Variants in DAB1 observed in about 807,000 individuals in gnomAD.
DAB1 encodes DAB adaptor protein 1.
In DAB1, 15 loss-of-function variants were observed where a neutral mutation model predicts 64.6. The ratio of observed to expected loss-of-function variants is 0.23; its 90% CI spans 0.16 to 0.36. The LOEUF is 0.36. Among genes scored for constraint, DAB1 ranks in the 10% least tolerant of loss-of-function variants. The probability of loss-of-function intolerance (pLI) is 1.00; values close to 1 mark genes in which losing one functional copy is unlikely to be tolerated. For missense variants in DAB1, 596 were observed against 706.7 expected (o/e 0.84, Z 1.78); for synonymous variants, 235 against 251.9 (o/e 0.93, Z 0.64).
chr1:58,041,059 G>A (rs555956449), intron 5 of DAB1, among the ~76,000 whole-genome samples: 1 of 152,286 alleles, frequency 6.6e-6, no homozygotes, highest in African/African-American at 2.4e-5. Context: ...CTTTGCACAT[G>A]CTTTGCTGCC....
intron 5 of DAB1, among the ~76,000 whole-genome samples, chr1:58,064,708 TG>T (rs1173020394): frequency 0.011 from 1,206 of 110,878 alleles, 8 homozygotes; most frequent in African/African-American, 0.032. Context: ...TATTTATTTA[TG>T]TATTTATGTA....
At chr1:57,734,013 T>A (rs1647562862) in intron 6 of DAB1, among the ~76,000 whole-genome samples, 1 of 152,092 alleles carries the variant, frequency 6.6e-6, no homozygotes. Context: ...AGGCATGACT[T>A]TCACCCAGCC....
chr1:57,531,108 C>T (rs780984660), intron 7 of DAB1, among the ~76,000 whole-genome samples: 18 of 152,218 alleles, frequency 1.2e-4, no homozygotes, highest in Non-Finnish European at 2.6e-4. Context: ...TGCATGACTA[C>T]ATCCAGATGG....
chr1:57,539,600 G>A (rs1644776477), intron 7 of DAB1, among the ~76,000 whole-genome samples: 1 of 152,168 alleles, frequency 6.6e-6, no homozygotes, highest in Non-Finnish European at 1.5e-5. Flanking sequence ...AATTCTGATT[G>A]GGACAGAAAC....
intron 2 of DAB1, among the ~76,000 whole-genome samples, chr1:57,171,418 C>T (rs959991670): frequency 2.0e-5 from 3 of 152,204 alleles, no homozygotes; most frequent in Non-Finnish European, 2.9e-5. Flanking sequence ...CTCTGCAACA[C>T]CTGCAAAGAT....
At chr1:57,985,670 TA>T (rs1646198917) in intron 5 of DAB1, among the ~76,000 whole-genome samples, 1 of 150,070 alleles carries the variant, frequency 6.7e-6, no homozygotes, top group African/African-American at 2.5e-5. Flanking sequence ...TGGCTGTGAG[TA>T]TTAGCCACAC....
chr1:57,942,866 A>G (rs1391857240), intron 5 of DAB1, among the ~76,000 whole-genome samples: 4 of 152,234 alleles, frequency 2.6e-5, no homozygotes, highest in African/African-American at 9.6e-5. Context: ...TAGCCATTAC[A>G]CTAACATGAT....
intron 1 of DAB1, among the ~76,000 whole-genome samples, chr1:57,394,026 A>C (rs747674965): frequency 8.5e-5 from 13 of 152,302 alleles, no homozygotes; most frequent in Admixed American, 5.2e-4. Context: ...TGCTTTGGTC[A>C]CTAGACTAGT....
chr1:57,423,853 C>T (rs1685123857), intron 1 of DAB1, 77 bp downstream of exon 1: 1 of 152,434 alleles, frequency 6.6e-6, no homozygotes, highest in Admixed American at 6.5e-5. Flanking sequence ...AGCCTCCTGG[C>T]TCCCCGGCGC....
At chr1:57,465,205 G>T (rs913565977) in intron 7 of DAB1, among the ~76,000 whole-genome samples, 1 of 152,190 alleles carries the variant, frequency 6.6e-6, no homozygotes, top group East Asian at 1.9e-4. Flanking sequence ...AGCAGTCAAA[G>T]CTACTTGCAC....
At chr1:57,104,198 G>A (rs1225455931) in intron 4 of DAB1, among the ~76,000 whole-genome samples, 2 of 152,114 alleles carry the variant, frequency 1.3e-5, no homozygotes, top group Admixed American at 1.3e-4. Context: ...CCTCTATGGT[G>A]GTTGTGCTGC....
At chr1:58,377,825 C>T (rs534864106) in intron 3 of DAB1, among the ~76,000 whole-genome samples, 6,922 of 139,852 alleles carry the variant, frequency 0.049, 1,297 homozygotes, top group Non-Finnish European at 0.08. Context: ...ACCAATCAGA[C>T]GTAGATTTGG....
At chr1:57,082,232 A>G (rs949842870) in intron 4 of DAB1, among the ~76,000 whole-genome samples, 5 of 152,196 alleles carry the variant, frequency 3.3e-5, no homozygotes, top group African/African-American at 1.2e-4. Flanking sequence ...AAATCTTAGC[A>G]TGTTCCTTTC....
At chr1:57,363,631 C>T (rs1679734893) in intron 1 of DAB1, among the ~76,000 whole-genome samples, 1 of 152,106 alleles carries the variant, frequency 6.6e-6, no homozygotes, top group Admixed American at 6.6e-5. Context: ...ATTAGGGACT[C>T]CTCTCATTGT....
chr1:58,197,183 A>AATGAATGAATGAATG lies in DAB1; in HGVS notation n.310-46596_310-46595insCATTCATTCATTCAT, dbSNP rs1485209890. Among the ~76,000 whole-genome samples, 5 of 152,308 alleles carry AATGAATGAATGAATG rather than the reference A, an allele frequency of 3.3e-5. No individual in the cohort carries two copies. The East Asian group carries it at 9.7e-4, about 30-fold the overall frequency. ...CCCCTGCAAGCTTCAGTGGCCTACA[A>AATGAATGAATGAATG]CATGAATGAAAAGTGAGGTTTTATT... On this transcript the variant is annotated intron_variant and non_coding_transcript_variant, in intron 4 of 20. Transcript: ENST00000485760.
chr1:57,067,220 G>T (rs1330562751), intron 8 of DAB1, among the ~76,000 whole-genome samples: 2 of 152,176 alleles, frequency 1.3e-5, no homozygotes, highest in Non-Finnish European at 2.9e-5. Context: ...CAGATGGGAA[G>T]ATCTAGAGGT....
At chr1:58,139,952 C>T (rs1171617383) in intron 5 of DAB1, among the ~76,000 whole-genome samples, 3 of 152,120 alleles carry the variant, frequency 2.0e-5, no homozygotes, top group Non-Finnish European at 4.4e-5. Context: ...TGTATAAGGG[C>T]TCTTTTTAAC....
chr1:57,637,774 C>T (rs1646074813), intron 7 of DAB1, among the ~76,000 whole-genome samples: 1 of 152,096 alleles, frequency 6.6e-6, no homozygotes, highest in Non-Finnish European at 1.5e-5. Flanking sequence ...TCAGAGACAT[C>T]TTAAGGCAAT....
At chr1:57,350,812 A>G (rs1350898205) in intron 1 of DAB1, among the ~76,000 whole-genome samples, 2 of 152,180 alleles carry the variant, frequency 1.3e-5, no homozygotes, top group African/African-American at 4.8e-5. Flanking sequence ...TTAATGAAAG[A>G]CTACGGTGAA....
Sources: gnomAD v4.1 joint callset for allele counts (sites outside exome capture counted in the v4.1 genomes callset) on GRCh38, gnomAD v4.1.1 for gene constraint, MANE v1.5 for transcripts, NCBI Gene and HGNC (gene_info 2026-07-23, HGNC 2026-07-21) for gene names.